Variants in IDO2 observed in about 807,000 individuals in gnomAD.
The protein encoded by IDO2 is indoleamine 2,3-dioxygenase 2.
IDO2 carries 46 observed loss-of-function variants against 45.1 expected under a neutral mutation model. The observed-to-expected ratio is 1.02, with a 90% CI of 0.80 to 1.30. IDO2 has a LOEUF of 1.30. Among genes scored for constraint, IDO2 ranks in the 50% most tolerant of loss-of-function variants. IDO2 has a pLI of 0.00. For missense variants in IDO2, 544 were observed against 491.8 expected, an observed-to-expected ratio of 1.11 and a Z score of -1.00; for synonymous variants, 218 against 184.9, an observed-to-expected ratio of 1.18 and a Z score of -1.45.
chr8:40,008,200 C>T (rs186045690), intron 9 of IDO2, among the ~76,000 whole-genome samples: 2 of 152,192 alleles, frequency 1.3e-5, no homozygotes, highest in African/African-American at 4.8e-5. Flanking sequence ...GCACCCGCCA[C>T]CAGCCCGGCT....
chr8:39,948,865 A>C (rs558968974), intron 1 of IDO2, among the ~76,000 whole-genome samples: 75 of 152,310 alleles, frequency 4.9e-4, no homozygotes, highest in Middle Eastern at 3.4e-3. Flanking sequence ...AAGTGGAACA[A>C]ATTTGTCTCT....
chr8:39,963,576 A>G (rs1298145882), intron 2 of IDO2, 32 bp from the exon 3 acceptor site: 1 of 1,397,472 alleles, frequency 7.2e-7, no homozygotes, highest in Admixed American at 1.9e-5. Context: ...AGAGAGGTCT[A>G]AAATATTTAC....
chr8:39,982,595 T>G (rs1808370489), intron 4 of IDO2, 57 bp from the exon 5 acceptor site: 2 of 1,181,730 alleles, frequency 1.7e-6, no homozygotes, highest in Non-Finnish European at 2.4e-6. Flanking sequence ...ACCATGGTTA[T>G]TTCCTCTGCT....
intron 9 of IDO2, among the ~76,000 whole-genome samples, chr8:40,006,407 C>T (rs527456683): frequency 2.0e-4 from 31 of 152,218 alleles, no homozygotes; most frequent in African/African-American, 7.2e-4. Context: ...TTTGGTAGGT[C>T]AGATGTATTA....
In IDO2 at chr8:39,970,855, C is replaced by T. The variant is rs542917912; in HGVS notation, c.195+7152C>T. Among the ~76,000 whole-genome samples the T allele has an allele frequency of 5.3e-5, 8 of 151,408 alleles. No homozygotes were observed. In the South Asian group the frequency reaches 1.7e-3, roughly 32 times the overall value. Reference sequence around the variant, plus strand: ...GATCTCAGCTCACTGCAATCTCTGCCTCCCGGGTTCAAGTGTTTCCCCTGC... The same window carrying T: ...GATCTCAGCTCACTGCAATCTCTGCTTCCCGGGTTCAAGTGTTTCCCCTGC... On this transcript the variant is annotated intron_variant, in intron 3 of 10. Transcript: ENST00000502986.
intron 9 of IDO2, among the ~76,000 whole-genome samples, chr8:40,007,156 T>C (rs185109565): frequency 4.5e-4 from 69 of 151,682 alleles, no homozygotes; most frequent in Admixed American, 1.3e-3. Flanking sequence ...ATAGATATCA[T>C]CTAGTGGGCC....
intron 1 of IDO2, among the ~76,000 whole-genome samples, chr8:39,946,569 T>C (rs1161126931): frequency 6.6e-6 from 1 of 152,094 alleles, no homozygotes; most frequent in African/African-American, 2.4e-5. Flanking sequence ...ATCATGCCAC[T>C]GCACTCCAGC....
intron 4 of IDO2, among the ~76,000 whole-genome samples, chr8:39,981,671 A>G (rs571880252): frequency 1.3e-5 from 2 of 152,342 alleles, no homozygotes; most frequent in Admixed American, 1.3e-4. Context: ...CGAGGTTCAC[A>G]TTGCAAGACT....
chr8:39,999,153 G>A (rs991723399), intron 8 of IDO2, among the ~76,000 whole-genome samples: 3 of 151,962 alleles, frequency 2.0e-5, no homozygotes, highest in African/African-American at 7.3e-5. Flanking sequence ...GGTTTCCATG[G>A]TTGCTATTGA....
At chr8:39,959,598 G>A (rs1807963012) in intron 2 of IDO2, among the ~76,000 whole-genome samples, 1 of 150,196 alleles carries the variant, frequency 6.7e-6, no homozygotes, top group Admixed American at 6.7e-5. Flanking sequence ...GAGGCAGGTG[G>A]ATCACCTTAG....
At chr8:39,967,690 G>T (rs1464052764) in intron 3 of IDO2, among the ~76,000 whole-genome samples, 2 of 152,118 alleles carry the variant, frequency 1.3e-5, no homozygotes, top group African/African-American at 4.8e-5. Context: ...GTTTCACCAT[G>T]TTGGCCAGGC....
Position 39,987,989 on chromosome 8 carries a change from G to A in IDO2, c.549+19G>A, listed in dbSNP as rs762593155. 19 of 1,442,362 alleles carry A rather than the reference G, an allele frequency of 1.3e-5. 1 individual carries two copies. The African/African-American group carries it at 2.4e-4, about 18-fold the overall frequency. 89.3% of individuals were successfully genotyped at this position (1,442,362 alleles called of 1,614,324 possible). ...GATAAAGGTATCTTCTCACTTGATAGCACCTTTTCTTTTTAAATGAGCTTG... is the reference window on the plus strand; with the variant it reads ...GATAAAGGTATCTTCTCACTTGATAACACCTTTTCTTTTTAAATGAGCTTG... On this transcript the variant is annotated intron_variant, in intron 7 of 10. Transcript: ENST00000502986.
At chr8:39,995,577 C>T (rs1311188550) in intron 8 of IDO2, among the ~76,000 whole-genome samples, 2 of 151,792 alleles carry the variant, frequency 1.3e-5, no homozygotes, top group Admixed American at 1.3e-4. Flanking sequence ...CACCCAGGTG[C>T]CAAGGCAAGA....
chr8:39,958,479 C>T (rs1157528019), intron 2 of IDO2, among the ~76,000 whole-genome samples: 1 of 152,254 alleles, frequency 6.6e-6, no homozygotes. Context: ...TCACTGCAAC[C>T]TCCGCCTCCT....
At chr8:39,980,149 A>T (rs763790165) in intron 4 of IDO2, among the ~76,000 whole-genome samples, 1 of 151,926 alleles carries the variant, frequency 6.6e-6, no homozygotes, top group Non-Finnish European at 1.5e-5. Flanking sequence ...ATTCATAAAA[A>T]CCTCACAGCA....
intron 2 of IDO2, among the ~76,000 whole-genome samples, chr8:39,953,096 G>T (rs1285475658): frequency 6.6e-6 from 1 of 151,968 alleles, no homozygotes; most frequent in Non-Finnish European, 1.5e-5. Context: ...TAGAGACAGG[G>T]TTTCACCATG....
At chr8:39,990,529 A>T (rs922573533) in intron 8 of IDO2, among the ~76,000 whole-genome samples, 3 of 152,226 alleles carry the variant, frequency 2.0e-5, no homozygotes, top group Non-Finnish European at 4.4e-5. Flanking sequence ...CATACACAAA[A>T]AAATACTTAC....
chr8:39,956,454 T>TA (rs1173857295), intron 2 of IDO2, among the ~76,000 whole-genome samples: 1 of 152,220 alleles, frequency 6.6e-6, no homozygotes, highest in African/African-American at 2.4e-5. Context: ...CATTTTAGGC[T>TA]ATAAGTTTTG....
chr8:39,937,538 T>TTTA (rs1807575978), intron 1 of IDO2, among the ~76,000 whole-genome samples: 2 of 151,718 alleles, frequency 1.3e-5, no homozygotes, highest in South Asian at 2.1e-4. Context: ...TTTTTTTTTT[T>TTTA]GAGACAAGGT....
Sources: gnomAD v4.1 joint callset for allele counts (sites outside exome capture counted in the v4.1 genomes callset) on GRCh38, gnomAD v4.1.1 for gene constraint, MANE v1.5 for transcripts, NCBI Gene and HGNC (gene_info 2026-07-23, HGNC 2026-07-21) for gene names.